Variants in NAALADL2 observed in about 807,000 individuals in gnomAD.
The protein encoded by NAALADL2 is inactive N-acetylated-alpha-linked acidic dipeptidase-like protein 2.
In NAALADL2, 76 loss-of-function variants were observed where a neutral mutation model predicts 87.2. The observed-to-expected ratio is 0.87, with a 90% CI of 0.72 to 1.05. NAALADL2 has a LOEUF of 1.05. Among genes scored for constraint, NAALADL2 ranks in the 50% least tolerant of loss-of-function variants. NAALADL2 has a pLI of 0.00. For synonymous variants in NAALADL2, 354 were observed against 331.0 expected, an observed-to-expected ratio of 1.07 and a Z score of -0.75; for missense variants, 1,089 against 945.8, an observed-to-expected ratio of 1.15 and a Z score of -1.99.
Position 175,203,792 on chromosome 3 carries a change from A to G in NAALADL2, c.546-30139A>G, listed in dbSNP as rs139798792. On this transcript the variant is annotated intron_variant, in intron 2 of 13. Coordinates refer to ENST00000454872, the MANE Select transcript of NAALADL2 (RefSeq NM_207015.3). ...AACTGACACCACTGAAATACAAAAG[A>G]TCATTCAAGGCTACTATGAATAACT... Among the ~76,000 whole-genome samples, 440 of 152,342 alleles carry G rather than the reference A, an allele frequency of 2.9e-3. 1 individual carries two copies. The highest frequency in any genetic ancestry group is 9.8e-3 in the African/African-American group (407 of 41,578).
chr3:174,615,473 CA>C (rs1391982866), intron 2 of NAALADL2, among the ~76,000 whole-genome samples: 1 of 152,170 alleles, frequency 6.6e-6, no homozygotes. Context: ...GAAACAGTCA[CA>C]AAGCAGTAGC....
At chr3:175,116,754 C>T (rs9873506) in intron 2 of NAALADL2, among the ~76,000 whole-genome samples, 2 of 151,414 alleles carry the variant, frequency 1.3e-5, no homozygotes, top group Non-Finnish European at 1.5e-5. Context: ...AACAAAAAAA[C>T]CAAAAACTTT....
At chr3:174,895,467 A>T (rs1054440690) in intron 1 of NAALADL2, among the ~76,000 whole-genome samples, 5 of 152,174 alleles carry the variant, frequency 3.3e-5, no homozygotes, top group Non-Finnish European at 7.3e-5. Flanking sequence ...CAACCTACCA[A>T]GATTGAACTG....
chr3:174,795,928 A>AT (rs1195917111), intron 3 of NAALADL2, among the ~76,000 whole-genome samples: 3 of 152,178 alleles, frequency 2.0e-5, no homozygotes, highest in South Asian at 2.1e-4. Flanking sequence ...CTGCATACAC[A>AT]TTTTTTGTTA....
intron 9 of NAALADL2, among the ~76,000 whole-genome samples, chr3:175,493,882 T>G (rs2149351388): frequency 6.6e-6 from 1 of 152,282 alleles, no homozygotes; most frequent in Non-Finnish European, 1.5e-5. Context: ...TGGAGTCTTC[T>G]TATTTCCCTA....
intron 11 of NAALADL2, among the ~76,000 whole-genome samples, chr3:175,696,038 A>G (rs1325345705): frequency 2.6e-5 from 4 of 152,142 alleles, no homozygotes; most frequent in Non-Finnish European, 5.9e-5. Flanking sequence ...CTGTCTCTGA[A>G]AGAAAACTGT....
At chr3:175,356,703 G>A (rs191595399) in intron 5 of NAALADL2, among the ~76,000 whole-genome samples, 51 of 152,018 alleles carry the variant, frequency 3.4e-4, no homozygotes, top group Admixed American at 2.9e-3. Flanking sequence ...TGATGTTATA[G>A]AAGAAAAGCT....
intron 2 of NAALADL2, among the ~76,000 whole-genome samples, chr3:174,612,392 C>G (rs1008199645): frequency 6.6e-6 from 1 of 152,082 alleles, no homozygotes; most frequent in African/African-American, 2.4e-5. Flanking sequence ...CCATCTCTTT[C>G]TCTATTTGCT....
chr3:175,101,380 G>T (rs1056903975), intron 2 of NAALADL2, among the ~76,000 whole-genome samples: 5 of 152,166 alleles, frequency 3.3e-5, no homozygotes, highest in African/African-American at 1.2e-4. Flanking sequence ...GCTTAAGCCA[G>T]TTGAGATGCT....
intron 13 of NAALADL2, among the ~76,000 whole-genome samples, chr3:175,796,179 G>A (rs1753474669): frequency 6.6e-6 from 1 of 151,636 alleles, no homozygotes; most frequent in Non-Finnish European, 1.5e-5. Context: ...TGTGGGGAGG[G>A]GAAGGAGAGA....
chr3:174,706,657 A>C (rs975128616), intron 2 of NAALADL2, among the ~76,000 whole-genome samples: 1 of 152,134 alleles, frequency 6.6e-6, no homozygotes, highest in East Asian at 1.9e-4. Flanking sequence ...CCCATTTGTC[A>C]ATTTTGGCTT....
At chr3:174,948,185 A>ATTTC in intron 1 of NAALADL2, among the ~76,000 whole-genome samples, 1 of 151,826 alleles carries the variant, frequency 6.6e-6, no homozygotes, top group Middle Eastern at 3.4e-3. Flanking sequence ...TTATTTATTT[A>ATTTC]TTTATTTTTG....
intron 2 of NAALADL2, among the ~76,000 whole-genome samples, chr3:175,229,362 C>G (rs1373593283): frequency 1.3e-5 from 2 of 151,904 alleles, no homozygotes; most frequent in Non-Finnish European, 1.5e-5. Context: ...TATAGGACAA[C>G]TGAATAGTAT....
At chr3:175,016,597 T>C (rs995730280) in intron 1 of NAALADL2, among the ~76,000 whole-genome samples, 2 of 151,792 alleles carry the variant, frequency 1.3e-5, no homozygotes, top group African/African-American at 4.8e-5. Context: ...TATATACATA[T>C]ACGCAAATTA....
chr3:174,980,756 TTTTC>T (rs1339263849), intron 1 of NAALADL2, among the ~76,000 whole-genome samples: 2 of 152,176 alleles, frequency 1.3e-5, no homozygotes, highest in Non-Finnish European at 2.9e-5. Context: ...AGGGACCTAT[TTTTC>T]TGTGTATTAT....
intron 1 of NAALADL2, among the ~76,000 whole-genome samples, chr3:174,953,041 A>G (rs1740612164): frequency 6.6e-6 from 1 of 152,030 alleles, no homozygotes; most frequent in African/African-American, 2.4e-5. Flanking sequence ...ATATTTTCAC[A>G]TTTAATCCTT....
At position 174,967,951 on chromosome 3, in the gene NAALADL2, G is replaced by A. The variant is rs115583861; in HGVS notation, c.43+108501G>A. Among the ~76,000 whole-genome samples the A allele has an allele frequency of 5.2e-3, 789 of 152,270 alleles. 3 individuals carry two copies. The highest frequency in any genetic ancestry group is 9.3e-3 in the Non-Finnish European group (633 of 68,022). ...CCCATCTTTAGATGTAACTGATGAA[G>A]CAGTCAATTATAAATGCTTTTGTCT... On this transcript the variant is annotated intron_variant, in intron 1 of 13. Transcript: ENST00000454872.
At chr3:175,186,199 C>A (rs538434857) in intron 2 of NAALADL2, among the ~76,000 whole-genome samples, 33 of 152,046 alleles carry the variant, frequency 2.2e-4, no homozygotes, top group African/African-American at 7.7e-4. Flanking sequence ...AAGAAAATTG[C>A]CTTATTTGTA....
intron 1 of NAALADL2, among the ~76,000 whole-genome samples, chr3:174,990,116 T>C (rs917834964): frequency 5.9e-5 from 9 of 152,178 alleles, no homozygotes; most frequent in Non-Finnish European, 1.0e-4. Context: ...TATCTTGAAA[T>C]AGCGTTAGAG....
Sources: allele counts gnomAD v4.1 joint callset (sites outside exome capture counted in the v4.1 genomes callset), GRCh38; gene constraint gnomAD v4.1.1; transcripts MANE v1.5; gene names NCBI Gene and HGNC (gene_info 2026-07-23, HGNC 2026-07-21).